Variants in IKBKB observed in about 807,000 individuals in gnomAD.
The protein encoded by IKBKB is inhibitor of nuclear factor kappa B kinase subunit beta.
Under a neutral mutation model 113.6 loss-of-function variants are expected in IKBKB, and 42 were observed. That is an observed-to-expected ratio of 0.37 (90% CI 0.29 to 0.48). The LOEUF is 0.48. Ranked by LOEUF, IKBKB falls within the 20% of genes least tolerant of loss-of-function variation. The pLI is 0.99. For synonymous variants in IKBKB, 296 were observed against 361.3 expected, an observed-to-expected ratio of 0.82 and a Z score of 2.05; for missense variants, 673 against 939.7, an observed-to-expected ratio of 0.72 and a Z score of 3.71.
intron 12 of IKBKB, 119 bp from the exon 13 acceptor site, chr8:42,318,433 A>G (rs1428554774): frequency 5.3e-6 from 6 of 1,137,016 alleles, no homozygotes; most frequent in South Asian, 1.5e-5. Context: ...CCAAAGTTAC[A>G]TGATCCTATA....
At chr8:42,285,745 A>G (rs1290944534) in intron 2 of IKBKB, among the ~76,000 whole-genome samples, 1 of 152,192 alleles carries the variant, frequency 6.6e-6, no homozygotes, top group East Asian at 1.9e-4. Flanking sequence ...CCATAGTCAC[A>G]GACGTAAGCC....
intron 3 of IKBKB, 59 bp from the exon 4 acceptor site, chr8:42,290,097 G>A: frequency 1.7e-6 from 2 of 1,147,684 alleles, no homozygotes; most frequent in Admixed American, 1.7e-5. Flanking sequence ...TGGTGGGGGT[G>A]GTGGGGATGG....
chr8:42,304,214 C>T (rs1264122225), intron 5 of IKBKB, among the ~76,000 whole-genome samples: 5 of 152,220 alleles, frequency 3.3e-5, no homozygotes, highest in African/African-American at 9.6e-5. Flanking sequence ...TAGGCTACAT[C>T]TCCAAATCTA....
Position 42,305,290 on chromosome 8 carries a change from G to A in IKBKB, c.477+15G>A, listed in dbSNP as rs765333103. ...GAGAACAGAGGGTAAGTGACCTCCTGGGACTGGGAAAGCCTCAGGTGGGCG... is the reference window on the plus strand; with the variant it reads ...GAGAACAGAGGGTAAGTGACCTCCTAGGACTGGGAAAGCCTCAGGTGGGCG... On this transcript the variant is annotated intron_variant, in intron 6 of 21. Coordinates refer to ENST00000520810, the MANE Select transcript of IKBKB (RefSeq NM_001556.3). 6.3e-7 allele frequency: 1 copy of A among 1,577,176 alleles called. No individual in the cohort carries two copies. The highest frequency in any genetic ancestry group is 1.1e-5 in the South Asian group (1 of 90,096).
intron 1 of IKBKB, 32 bp from the exon 2 acceptor site, chr8:42,272,051 A>G (rs771178614): frequency 1.3e-6 from 2 of 1,587,656 alleles, no homozygotes; most frequent in South Asian, 1.1e-5. Flanking sequence ...TCTTAATCCT[A>G]ACCTTTTTTC....
intron 2 of IKBKB, among the ~76,000 whole-genome samples, chr8:42,282,557 T>C (rs965973746): frequency 6.6e-6 from 1 of 152,100 alleles, no homozygotes; most frequent in Non-Finnish European, 1.5e-5. Flanking sequence ...ATACCAGAAG[T>C]TGGGTACTGA....
rs765671815 is a variant in IKBKB, at chr8:42,302,081, T to A, written c.389-3106T>A. On this transcript the variant is annotated intron_variant, in intron 5 of 21. Transcript: ENST00000520810. ...TGAACCTATCAGTTAACAGACACTTTGAGTTATTGCATGGCCTTGCTCTCT... is the reference window on the plus strand; with the variant it reads ...TGAACCTATCAGTTAACAGACACTTAGAGTTATTGCATGGCCTTGCTCTCT... Among the ~76,000 whole-genome samples, 92 of 152,230 alleles carry A rather than the reference T, an allele frequency of 6.0e-4. 1 individual carries two copies. The highest frequency in any genetic ancestry group is 7.5e-4 in the Non-Finnish European group (51 of 68,030).
At chr8:42,290,560 G>A (rs760841129) in intron 4 of IKBKB, among the ~76,000 whole-genome samples, 3 of 152,200 alleles carry the variant, frequency 2.0e-5, no homozygotes, top group East Asian at 1.9e-4. Flanking sequence ...AGGTCTGGGC[G>A]TGGGGAAGGA....
Position 42,298,776 on chromosome 8 carries a change from G to A in IKBKB, c.388+5264G>A, listed in dbSNP as rs375030939. On this transcript the variant is annotated intron_variant, in intron 5 of 21. Coordinates refer to ENST00000520810, the MANE Select transcript of IKBKB (RefSeq NM_001556.3). ...ACCTCCGAGTGCTCTCTAGGGCCCCGTCTCCCTCTAACAACTCCATTTCAC... is the reference window on the plus strand; with the variant it reads ...ACCTCCGAGTGCTCTCTAGGGCCCCATCTCCCTCTAACAACTCCATTTCAC... 2.6e-4 allele frequency among the ~76,000 whole-genome samples: 39 copies of A among 152,142 alleles called. No individual in the cohort carries two copies. In the East Asian group the frequency reaches 6.8e-3, roughly 26 times the overall value.
chr8:42,308,778 C>T, intron 7 of IKBKB, 123 bp from the exon 8 acceptor site: 1 of 865,814 alleles, frequency 1.2e-6, no homozygotes, highest in Non-Finnish European at 1.8e-6. Context: ...CCTCGCCCTG[C>T]ATGCATGTGC....
intron 2 of IKBKB, among the ~76,000 whole-genome samples, chr8:42,276,854 C>T (rs1181156421): frequency 2.2e-4 from 33 of 149,918 alleles, no homozygotes; most frequent in Admixed American, 1.6e-3. Flanking sequence ...CCATCACACC[C>T]GGCTAATTTT....
intron 8 of IKBKB, 73 bp from the exon 9 acceptor site, chr8:42,314,249 A>G: frequency 9.4e-7 from 1 of 1,065,440 alleles, no homozygotes; most frequent in East Asian, 2.4e-5. Context: ...AAAATCACCT[A>G]ATGACGAATT....
chr8:42,308,344 C>G (rs575601130), intron 7 of IKBKB, among the ~76,000 whole-genome samples: 56 of 147,078 alleles, frequency 3.8e-4, no homozygotes, highest in Non-Finnish European at 7.1e-4. Flanking sequence ...GTTGCCCAGG[C>G]TGGAGTGCAG....
At chr8:42,280,274 T>C (rs1810084358) in intron 2 of IKBKB, among the ~76,000 whole-genome samples, 1 of 152,196 alleles carries the variant, frequency 6.6e-6, no homozygotes, top group Non-Finnish European at 1.5e-5. Flanking sequence ...CTGCTTCCCC[T>C]GTTCTTGTGG....
intron 5 of IKBKB, among the ~76,000 whole-genome samples, chr8:42,304,797 G>A (rs1293513268): frequency 2.0e-5 from 3 of 150,758 alleles, no homozygotes; most frequent in African/African-American, 5.0e-5. Context: ...CTTTATTGGC[G>A]TCAGCATCAC....
At chr8:42,287,861 A>G (rs1295150829) in intron 2 of IKBKB, among the ~76,000 whole-genome samples, 1 of 152,174 alleles carries the variant, frequency 6.6e-6, no homozygotes, top group Non-Finnish European at 1.5e-5. Flanking sequence ...ACATGAAACA[A>G]TGAAGACACT....
At chr8:42,285,475 A>C (rs1321827955) in intron 2 of IKBKB, among the ~76,000 whole-genome samples, 3 of 152,182 alleles carry the variant, frequency 2.0e-5, no homozygotes, top group African/African-American at 7.2e-5. Flanking sequence ...GGATCGCTTG[A>C]GCCCAGGAGT....
chr8:42,286,515 G>C (rs1335319091), intron 2 of IKBKB, among the ~76,000 whole-genome samples: 1 of 152,110 alleles, frequency 6.6e-6, no homozygotes, highest in Non-Finnish European at 1.5e-5. Context: ...TTTTGAAACA[G>C]GGTCTTACTC....
In IKBKB at chr8:42,320,460, C is replaced by A. The variant is rs189905736; in HGVS notation, c.1579-275C>A. 2.4e-5 allele frequency: 9 copies of A among 369,250 alleles called. 1 individual carries two copies. The highest frequency in any genetic ancestry group is 1.7e-4 in the African/African-American group (8 of 46,120). The allele number at this position is 369,250 out of a possible 1,614,324, so 22.9% of individuals were successfully genotyped here. A position where few individuals can be genotyped will look rare whatever the true frequency, so the allele number is the denominator to read the frequency against. ...CAGAGGCTTTAAGTACTTCATCTTA[C>A]TTGACTCCTCAGATGGCCCTGTTAG... On this transcript the variant is annotated intron_variant, in intron 15 of 21. Transcript: ENST00000520810.
Sources: gnomAD v4.1 joint callset for allele counts (sites outside exome capture counted in the v4.1 genomes callset) on GRCh38, gnomAD v4.1.1 for gene constraint, MANE v1.5 for transcripts, NCBI Gene and HGNC (gene_info 2026-07-23, HGNC 2026-07-21) for gene names.